SPECC1L: variants seen among roughly 807,000 people sequenced by gnomAD.
SPECC1L encodes sperm antigen with calponin homology and coiled-coil domains 1 like, also known as cytospin-A.
In SPECC1L, 40 loss-of-function variants were observed where a neutral mutation model predicts 116.8. That is an observed-to-expected ratio of 0.34 (90% confidence interval 0.27 to 0.45). SPECC1L has a LOEUF of 0.45. SPECC1L is among the 20% of genes least tolerant of loss of function. The probability of loss-of-function intolerance (pLI) is 1.00; values close to 1 mark genes in which losing one functional copy is unlikely to be tolerated. For missense variants in SPECC1L, 1,110 were observed against 1,373.6 expected, an observed-to-expected ratio of 0.81 and a Z score of 3.03; for synonymous variants, 504 against 500.6, an observed-to-expected ratio of 1.01 and a Z score of -0.09.
intron 3 of SPECC1L, among the ~76,000 whole-genome samples, chr22:24,306,642 A>G (rs2049504043): frequency 6.6e-6 from 1 of 152,008 alleles, no homozygotes; most frequent in African/African-American, 2.4e-5. Flanking sequence ...TGACGGTGGG[A>G]TTTTAGGTGT....
In SPECC1L at chr22:24,383,792, A is replaced by ATTTTTTTTTT. The variant is rs538972717; in HGVS notation, c.3087+14503_3087+14512dup. 6.7e-4 allele frequency among the ~76,000 whole-genome samples: 52 copies of ATTTTTTTTTT among 77,312 alleles called. 1 individual carries two copies. The highest frequency in any genetic ancestry group is 7.9e-4 in the Non-Finnish European group (34 of 42,894). 50.7% of individuals were successfully genotyped at this position (77,312 alleles called of 152,430 possible). A position where few individuals can be genotyped will look rare whatever the true frequency, so the allele number is the denominator to read the frequency against. On this transcript the variant is annotated intron_variant, in intron 14 of 16. Transcript: ENST00000314328. ...GCTGGGATTACAGGCACCCACCACT[A>ATTTTTTTTTT]TTTTTTTTTTTTTTTTTTTTTTTTT...
At chr22:24,334,322 T>C (rs2041003902) in intron 8 of SPECC1L, 88 bp from the exon 9 acceptor site, 2 of 1,413,982 alleles carry the variant, frequency 1.4e-6, no homozygotes, top group Non-Finnish European at 1.0e-6. Context: ...ATTAAACTGA[T>C]AGTTTTTAAT....
chr22:24,318,066 C>T (rs1447131202), intron 4 of SPECC1L, among the ~76,000 whole-genome samples: 3 of 151,446 alleles, frequency 2.0e-5, no homozygotes, highest in Admixed American at 2.0e-4. Flanking sequence ...GGGCTCCTCA[C>T]ATCCCAGACG....
intron 14 of SPECC1L, among the ~76,000 whole-genome samples, chr22:24,378,514 C>T (rs2042009794): frequency 6.6e-6 from 1 of 152,226 alleles, no homozygotes; most frequent in African/African-American, 2.4e-5. Flanking sequence ...AACTTTCAGC[C>T]TTTTGGCTTT....
chr22:24,372,612 A>T (rs1232437063), intron 14 of SPECC1L, among the ~76,000 whole-genome samples: 2 of 152,226 alleles, frequency 1.3e-5, no homozygotes, highest in Non-Finnish European at 2.9e-5. Flanking sequence ...TTAGGTATTG[A>T]TGGGACGTAT....
intron 9 of SPECC1L, among the ~76,000 whole-genome samples, chr22:24,337,016 A>T (rs946769231): frequency 1.3e-5 from 2 of 152,200 alleles, no homozygotes; most frequent in Non-Finnish European, 2.9e-5. Context: ...AAGGTAGGCA[A>T]GGTTAAGCTG....
chr22:24,300,186 C>G (rs149004272), intron 2 of SPECC1L, among the ~76,000 whole-genome samples: 3,522 of 152,228 alleles, frequency 0.023, 78 homozygotes, highest in South Asian at 0.068. Context: ...TCTCTGTGTC[C>G]TTGTATTCTC....
At chr22:24,301,053 T>C (rs1216462462) in intron 2 of SPECC1L, among the ~76,000 whole-genome samples, 2 of 152,188 alleles carry the variant, frequency 1.3e-5, no homozygotes, top group Non-Finnish European at 2.9e-5. Flanking sequence ...GACATAGGCA[T>C]GGGCAAAGAC....
intron 11 of SPECC1L, among the ~76,000 whole-genome samples, chr22:24,358,953 C>T (rs1167822947): frequency 3.3e-5 from 5 of 152,186 alleles, no homozygotes; most frequent in Non-Finnish European, 7.3e-5. Context: ...ACTTATCTGA[C>T]CCCTGGATCT....
intron 14 of SPECC1L, among the ~76,000 whole-genome samples, chr22:24,396,690 A>G (rs901715246): frequency 6.6e-6 from 1 of 151,922 alleles, no homozygotes; most frequent in Admixed American, 6.6e-5. Flanking sequence ...CCTTTTCAAC[A>G]CTCCAGTTTG....
chr22:24,334,059 C>T (rs2040995445), intron 8 of SPECC1L, among the ~76,000 whole-genome samples: 1 of 147,692 alleles, frequency 6.8e-6, no homozygotes, highest in African/African-American at 2.5e-5. Context: ...TTTGCCCAGG[C>T]CGGACTGCAG....
Position 24,384,136 on chromosome 22 carries a change from A to G in SPECC1L, c.3087+14816A>G, listed in dbSNP as rs142694912. Among the ~76,000 whole-genome samples the G allele has an allele frequency of 7.5e-3, 1,146 of 152,200 alleles. 6 individuals carry two copies. Among genetic ancestry groups the G allele is most frequent in the South Asian group, 0.013 (61 of 4,814 alleles). On this transcript the variant is annotated intron_variant, in intron 14 of 16. Coordinates refer to ENST00000314328, the MANE Select transcript of SPECC1L (RefSeq NM_015330.6). ...ACATAGTGTAATGGAGACAAGGGAC[A>G]TAATAGAAGGGTTAAGACACATACA... is the stretch of plus-strand genomic sequence containing the variant.
intron 2 of SPECC1L, among the ~76,000 whole-genome samples, chr22:24,299,127 G>A (rs2049324959): frequency 6.6e-6 from 1 of 151,994 alleles, no homozygotes; most frequent in African/African-American, 2.4e-5. Flanking sequence ...AGTCCTGCCT[G>A]AAAATTTACA....
chr22:24,282,645 CTGTG>C (rs1338798479), intron 2 of SPECC1L, among the ~76,000 whole-genome samples: 1 of 151,916 alleles, frequency 6.6e-6, no homozygotes, highest in East Asian at 1.9e-4. Flanking sequence ...AGGTTATCCT[CTGTG>C]TGGAGTTTTG....
rs563875695 is a variant in SPECC1L, at chr22:24,390,347, C to T, written c.3087+21027C>T. ...TAGACAGAATGCTGTTAAAATAATGCATTAGGAATTCCTCATAGTCCAAGC... is the reference window on the plus strand; with the variant it reads ...TAGACAGAATGCTGTTAAAATAATGTATTAGGAATTCCTCATAGTCCAAGC... On this transcript the variant is annotated intron_variant, in intron 14 of 16. Transcript: ENST00000314328. Among the ~76,000 whole-genome samples the T allele has an allele frequency of 3.8e-4, 58 of 152,184 alleles. 3 individuals are homozygous for T. The South Asian group carries it at 0.012, about 31-fold the overall frequency.
chr22:24,372,345 A>G (rs375099184), intron 14 of SPECC1L, among the ~76,000 whole-genome samples: 1 of 152,200 alleles, frequency 6.6e-6, no homozygotes, highest in African/African-American at 2.4e-5. Flanking sequence ...AGAATTTTAG[A>G]TCAATATCCC....
chr22:24,356,638 T>G (rs2041538888), intron 11 of SPECC1L, among the ~76,000 whole-genome samples: 1 of 152,152 alleles, frequency 6.6e-6, no homozygotes, highest in Non-Finnish European at 1.5e-5. Flanking sequence ...ATTGGTGGAT[T>G]TAGACCATTC....
At chr22:24,383,560 T>G (rs184409963) in intron 14 of SPECC1L, among the ~76,000 whole-genome samples, 1 of 152,268 alleles carries the variant, frequency 6.6e-6, no homozygotes, top group East Asian at 1.9e-4. Context: ...TTTATGAGTT[T>G]AAGGAAACAG....
At chr22:24,353,423 G>T (rs1467478905) in intron 11 of SPECC1L, among the ~76,000 whole-genome samples, 2 of 151,966 alleles carry the variant, frequency 1.3e-5, no homozygotes, top group East Asian at 1.9e-4. Flanking sequence ...AGTTTATGGA[G>T]TTTTTTTCGT....
Sources: allele counts gnomAD v4.1 joint callset (sites outside exome capture counted in the v4.1 genomes callset), GRCh38; gene constraint gnomAD v4.1.1; transcripts MANE v1.5; gene names NCBI Gene and HGNC (gene_info 2026-07-23, HGNC 2026-07-21).